Variants in SECISBP2 observed in about 807,000 individuals in gnomAD.
SECISBP2 encodes the protein SECIS binding protein 2, also known as selenocysteine insertion sequence-binding protein 2.
SECISBP2 carries 96 observed loss-of-function variants against 98.2 expected under a neutral mutation model. That is an observed-to-expected ratio of 0.98 (90% CI 0.83 to 1.16). SECISBP2 has a LOEUF of 1.16. SECISBP2 is among the 50% of genes most tolerant of loss of function. SECISBP2 has a pLI of 0.00. For missense variants in SECISBP2, 1,046 were observed against 1,022.9 expected (o/e 1.02, Z -0.31); for synonymous variants, 407 against 370.2 (o/e 1.10, Z -1.14).
At chr9:89,326,982 G>GA (rs1238681541) in intron 4 of SECISBP2, among the ~76,000 whole-genome samples, 2 of 152,148 alleles carry the variant, frequency 1.3e-5, no homozygotes, top group African/African-American at 4.8e-5. Flanking sequence ...CTAACACGGT[G>GA]AAACCCCGTC....
At chr9:89,357,597 A>G in intron 15 of SECISBP2, 32 bp downstream of exon 15, 1 of 1,611,984 alleles carries the variant, frequency 6.2e-7, no homozygotes. Flanking sequence ...CTCTTCAGTC[A>G]CTGCCCGTGG....
chr9:89,357,617 G>A (rs762107306), intron 15 of SECISBP2, 52 bp downstream of exon 15: 7 of 1,608,574 alleles, frequency 4.4e-6, no homozygotes, highest in Non-Finnish European at 5.1e-6. Flanking sequence ...GGAGGAAGTG[G>A]GGGCAGGTGG....
At chr9:89,337,357 G>A (rs1223254585) in intron 7 of SECISBP2, among the ~76,000 whole-genome samples, 2 of 152,108 alleles carry the variant, frequency 1.3e-5, no homozygotes, top group African/African-American at 2.4e-5. Flanking sequence ...TTTCTGTATT[G>A]TGAAATTTTA....
chr9:89,338,589 A>C lies in SECISBP2; in HGVS notation c.1212+9A>C, dbSNP rs1216016405. ...AGCCTCCAAGGATTGAAGTACATTTATATTTTTTATTCACATGGTGTGATA... is the reference window on the plus strand; with the variant it reads ...AGCCTCCAAGGATTGAAGTACATTTCTATTTTTTATTCACATGGTGTGATA... On this transcript the variant is annotated intron_variant, in intron 8 of 16. Transcript: ENST00000375807. 6.2e-7 allele frequency: 1 copy of C among 1,610,658 alleles called. No individual in the cohort carries two copies. The highest frequency in any genetic ancestry group is 1.7e-5 in the Admixed American group (1 of 59,738).
At chr9:89,362,335 G>A, downstream of SECISBP2, 1 of 1,613,820 alleles carries the variant, frequency 6.2e-7, no homozygotes. Flanking sequence ...CTCCGGGGGT[G>A]GCTGTGGTCA....
At chr9:89,328,542 T>C in intron 4 of SECISBP2, 118 bp from the exon 5 acceptor site, 1 of 774,314 alleles carries the variant, frequency 1.3e-6, no homozygotes, top group South Asian at 1.5e-5. Context: ...TTACGGTGTT[T>C]TGACAACAAC....
intron 6 of SECISBP2, among the ~76,000 whole-genome samples, chr9:89,333,810 G>T (rs1157710326): frequency 6.6e-6 from 1 of 152,228 alleles, no homozygotes; most frequent in Non-Finnish European, 1.5e-5. Flanking sequence ...TTTACAAAAT[G>T]ATTCCAAATT....
At chr9:89,363,111 T>C (rs754390544), downstream of SECISBP2, among the ~76,000 whole-genome samples, 4 of 152,124 alleles carry the variant, frequency 2.6e-5, no homozygotes, top group Non-Finnish European at 4.4e-5. Context: ...GCTGGCTGAG[T>C]GCTCTGTACA....
At position 89,339,952 on chromosome 9, in the gene SECISBP2, A is replaced by G. The variant is rs145982600; in HGVS notation, c.1301A>G (p.Gln434Arg). The stretch of plus-strand genomic sequence containing the variant: ...AAATTTCAATCTAAGCAGCAGCCAC[A>G]GGTAATTTTTAGATTGAAACCACAA... Reference protein sequence around the residue: ...TPKFQSKQQPQDNFKNNVKKS... With the variant: ...TPKFQSKQQPRDNFKNNVKKS... The change falls in exon 9 of 17, where the codon CAG (glutamine) becomes CGG (arginine). Residue 434 changes from glutamine (Q) to arginine (R), a missense_variant and splice_region_variant. Gln to Arg is a conservative substitution (Grantham distance 43, BLOSUM62 1). Coordinates refer to ENST00000375807, the MANE Select transcript of SECISBP2 (RefSeq NM_024077.5). 4.4e-6 allele frequency: 7 copies of G among 1,608,234 alleles called. No individual in the cohort carries two copies. Among genetic ancestry groups the G allele is most frequent in the South Asian group, 1.1e-5 (1 of 90,978 alleles).
rs755522164 is a variant in SECISBP2, at chr9:89,350,777, G to A, written c.2038G>A (p.Val680Ile). The A allele has an allele frequency of 1.9e-6, 3 of 1,614,092 alleles. No homozygotes were observed. The highest frequency in any genetic ancestry group is 1.7e-5 in the Admixed American group (1 of 60,002). The change falls in exon 14 of 17, where the codon GTT becomes ATT. Residue 680 changes from valine to isoleucine, a missense_variant. By Grantham distance (29) the Val-to-Ile change is conservative. Coordinates refer to ENST00000375807, the MANE Select transcript of SECISBP2 (RefSeq NM_024077.5). Reference sequence around the variant, plus strand: ...TCGACTTGTGTTGGGGTTGAGGGAGGTTCTCAAACACCTGAAGCTCAAAAA... The same window carrying A: ...TCGACTTGTGTTGGGGTTGAGGGAGATTCTCAAACACCTGAAGCTCAAAAA... The part of the protein sequence containing the change: ...KRRLVLGLRE[V>I]LKHLKLKKLK...
chr9:89,363,523 C>A, downstream of SECISBP2: 1 of 1,614,042 alleles, frequency 6.2e-7, no homozygotes, highest in Non-Finnish European at 8.5e-7. Context: ...CCTGGTGGGT[C>A]ACTTCTGGAA....
Position 89,332,969 on chromosome 9 carries a change from C to T in SECISBP2, c.863C>T (p.Ser288Phe). The T allele has an allele frequency of 1.2e-6, 2 of 1,613,716 alleles. No homozygotes were observed. The highest frequency in any genetic ancestry group is 8.5e-7 in the Non-Finnish European group (1 of 1,179,732). Residue 288 changes from serine to phenylalanine, a missense_variant, in exon 6 of 17, where the codon TCT (serine) becomes TTT (phenylalanine). Ser to Phe is a radical substitution (Grantham distance 155). Coordinates refer to ENST00000375807, the MANE Select transcript of SECISBP2 (RefSeq NM_024077.5). ...ESVTANAATN[S>F]PSCTRELSWT... ...GTAACTGCTAATGCCGCTACCAATT[C>T]TCCTTCATGTACAAGAGGTAAAAGT... is the stretch of plus-strand genomic sequence containing the variant.
At chr9:89,364,366 C>T (rs553086530), downstream of SECISBP2, 35 of 282,796 alleles carry the variant, frequency 1.2e-4, no homozygotes, top group African/African-American at 7.1e-4. Flanking sequence ...TCACCAGGGC[C>T]ACAGCATGGA....
intron 7 of SECISBP2, among the ~76,000 whole-genome samples, chr9:89,338,195 C>T (rs529686597): frequency 1.4e-4 from 22 of 152,312 alleles, no homozygotes; most frequent in Non-Finnish European, 1.3e-4. Flanking sequence ...ATGATCTCCT[C>T]AAGCTGAAAA....
chr9:89,334,778 C>T (rs1828349030), intron 7 of SECISBP2, 48 bp downstream of exon 7: 1 of 1,375,434 alleles, frequency 7.3e-7, no homozygotes, highest in Non-Finnish European at 1.0e-6. Context: ...GCCAGGGGCT[C>T]AGTAGAGTGG....
intron 12 of SECISBP2, 38 bp downstream of exon 12, chr9:89,348,252 C>A: frequency 6.2e-7 from 1 of 1,612,132 alleles, no homozygotes; most frequent in Non-Finnish European, 8.5e-7. Flanking sequence ...ATAATTTAAA[C>A]GAGAGCAACT....
chr9:89,327,659 C>T (rs1826981731), intron 4 of SECISBP2, among the ~76,000 whole-genome samples: 1 of 152,134 alleles, frequency 6.6e-6, no homozygotes, highest in Middle Eastern at 3.2e-3. Context: ...CACTGTCTTC[C>T]ACCTCCACAT....
chr9:89,366,451 G>A, the SECISBP2 span, among the ~76,000 whole-genome samples: 5 of 152,264 alleles, frequency 3.3e-5, no homozygotes, highest in East Asian at 1.9e-4. Context: ...TTTGCCTGGC[G>A]GCCCATCTGG....
chr9:89,350,896 A>C (rs1831183885), intron 14 of SECISBP2, 44 bp downstream of exon 14: 2 of 1,517,908 alleles, frequency 1.3e-6, no homozygotes, highest in Non-Finnish European at 1.8e-6. Flanking sequence ...CCCCTGCATG[A>C]GTGCCTAGTG....
Sources: gnomAD v4.1 joint callset for allele counts (sites outside exome capture counted in the v4.1 genomes callset) on GRCh38, gnomAD v4.1.1 for gene constraint, MANE v1.5 for transcripts, NCBI Gene and HGNC (gene_info 2026-07-23, HGNC 2026-07-21) for gene names.